BCR: variants seen among roughly 807,000 people sequenced by gnomAD.
The protein encoded by BCR is breakpoint cluster region protein.
A neutral mutation model predicts 138.6 loss-of-function variants in BCR; 58 were observed. That is an observed-to-expected ratio of 0.42 (90% CI 0.34 to 0.52). The LOEUF is 0.52. Ranked by LOEUF, BCR falls within the 20% of genes least tolerant of loss-of-function variation. The pLI, the probability that BCR is intolerant of heterozygous loss-of-function variation, is 0.06. For synonymous variants in BCR, 786 were observed against 730.1 expected, an observed-to-expected ratio of 1.08 and a Z score of -1.23; for missense variants, 1,599 against 1,727.2, an observed-to-expected ratio of 0.93 and a Z score of 1.32.
At chr22:23,200,742 T>C (rs2072543756) in intron 1 of BCR, among the ~76,000 whole-genome samples, 1 of 151,658 alleles carries the variant, frequency 6.6e-6, no homozygotes, top group South Asian at 2.1e-4. Flanking sequence ...TATTTTTTTG[T>C]AGAGATGAGG....
chr22:23,294,398 T>C (rs1034857872), intron 15 of BCR, among the ~76,000 whole-genome samples: 3 of 152,048 alleles, frequency 2.0e-5, no homozygotes, highest in Non-Finnish European at 4.4e-5. Flanking sequence ...TCTTTCAGAG[T>C]CCATAGAAAT....
rs770617141 is a variant in BCR, at chr22:23,289,660, G to A, written c.2707+39G>A. On this transcript the variant is annotated intron_variant, in intron 13 of 22. Transcript: ENST00000305877. ...TTTCCGTGTACAGGGCACCTGCAGGGAGGGCAGGCAGCTAGCCTGAAGGCT... is the reference window on the plus strand; with the variant it reads ...TTTCCGTGTACAGGGCACCTGCAGGAAGGGCAGGCAGCTAGCCTGAAGGCT... The A allele has an allele frequency of 4.0e-5, 63 of 1,556,446 alleles. No homozygotes were observed. The Admixed American group carries it at 1.0e-3, about 26-fold the overall frequency.
intron 1 of BCR, among the ~76,000 whole-genome samples, chr22:23,247,762 G>A (rs12483835): frequency 0.011 from 1,637 of 152,290 alleles, 72 homozygotes; most frequent in Admixed American, 0.086. Flanking sequence ...TCCACCTTCT[G>A]TCTCTATGAA....
intron 1 of BCR, among the ~76,000 whole-genome samples, chr22:23,204,187 C>A (rs2072586164): frequency 6.6e-6 from 1 of 152,118 alleles, no homozygotes; most frequent in African/African-American, 2.4e-5. Context: ...AACTAGGAGC[C>A]AGCAGTTCAG....
chr22:23,309,245 A>T (rs571892890), intron 16 of BCR, among the ~76,000 whole-genome samples, 179 bp from the exon 17 acceptor site: 1 of 152,270 alleles, frequency 6.6e-6, no homozygotes, highest in Non-Finnish European at 1.5e-5. Context: ...CCTGGGTTCC[A>T]GGGGTGTCTG....
intron 1 of BCR, among the ~76,000 whole-genome samples, chr22:23,191,016 A>G (rs2072406292): frequency 6.6e-6 from 1 of 151,728 alleles, no homozygotes; most frequent in Non-Finnish European, 1.5e-5. Context: ...CACTGTAGCC[A>G]CAAACTCTCG....
chr22:23,196,399 C>T (rs1289423475), intron 1 of BCR, among the ~76,000 whole-genome samples: 3 of 152,048 alleles, frequency 2.0e-5, no homozygotes, highest in Non-Finnish European at 4.4e-5. Context: ...AGGGGCTGTG[C>T]GGGAAGGGAA....
intron 1 of BCR, among the ~76,000 whole-genome samples, chr22:23,216,384 T>C (rs1302877850): frequency 6.6e-6 from 1 of 152,206 alleles, no homozygotes; most frequent in Non-Finnish European, 1.5e-5. Context: ...ATGGTAGTAT[T>C]ATGTGAAATT....
intron 2 of BCR, among the ~76,000 whole-genome samples, chr22:23,256,728 A>T (rs2073299500): frequency 6.6e-6 from 1 of 151,860 alleles, no homozygotes; most frequent in African/African-American, 2.4e-5. Flanking sequence ...GCCTCTTTGC[A>T]CTCTGCCCTG....
intron 1 of BCR, among the ~76,000 whole-genome samples, chr22:23,191,792 G>A (rs528467399): frequency 5.9e-5 from 9 of 152,250 alleles, no homozygotes; most frequent in Admixed American, 3.3e-4. Flanking sequence ...GCCCAACCCC[G>A]CTTAATCATG....
At position 23,261,447 on chromosome 22, in the gene BCR, C is replaced by T. The variant is rs748371815; in HGVS notation, c.1659C>T (p.Leu553=). 12 of 1,613,922 alleles carry T rather than the reference C, an allele frequency of 7.4e-6. No homozygotes were observed. In the South Asian group the frequency reaches 1.2e-4, roughly 16 times the overall value. The change falls in exon 4 of 23, where the codon CTC becomes CTT. Residue 553 remains leucine (L), a synonymous_variant. Transcript: ENST00000305877. ...IETIFFKVPE[L]YEIHKEFYDG... Reference sequence around the variant, plus strand: ...CCATCTTCTTCAAAGTGCCTGAGCTCTACGAGATCCACAAGGAGTTCTATG... The same window carrying T: ...CCATCTTCTTCAAAGTGCCTGAGCTTTACGAGATCCACAAGGAGTTCTATG...
intron 1 of BCR, among the ~76,000 whole-genome samples, chr22:23,186,811 T>TC (rs573583335): frequency 8.7e-4 from 133 of 152,264 alleles, no homozygotes; most frequent in Admixed American, 2.7e-3. Context: ...AGTTCAAGCT[T>TC]CAAGAGTCTC....
chr22:23,260,454 C>T (rs2073343481), intron 2 of BCR, among the ~76,000 whole-genome samples: 1 of 152,144 alleles, frequency 6.6e-6, no homozygotes, highest in Non-Finnish European at 1.5e-5. Context: ...TGCCTGGGCC[C>T]CGTCAATCGA....
intron 1 of BCR, among the ~76,000 whole-genome samples, chr22:23,229,878 G>T (rs2072936211): frequency 6.6e-6 from 1 of 152,154 alleles, no homozygotes; most frequent in Admixed American, 6.5e-5. Flanking sequence ...TTAGTGTAGA[G>T]TGGAAAGAGT....
At chr22:23,285,567 C>G (rs2073702208) in intron 10 of BCR, among the ~76,000 whole-genome samples, 1 of 152,200 alleles carries the variant, frequency 6.6e-6, no homozygotes, top group Non-Finnish European at 1.5e-5. Flanking sequence ...ACGAGAGAAA[C>G]TTGTTTAAAC....
chr22:23,222,820 C>T (rs935050820), intron 1 of BCR, among the ~76,000 whole-genome samples: 2 of 152,188 alleles, frequency 1.3e-5, no homozygotes, highest in Non-Finnish European at 2.9e-5. Flanking sequence ...TCTCCTGCTT[C>T]TGATAAAGAC....
intron 4 of BCR, chr22:23,262,788 G>A (rs1190693905): frequency 2.1e-6 from 2 of 969,654 alleles, no homozygotes; most frequent in Non-Finnish European, 2.5e-6. Flanking sequence ...CGAAGGAAGG[G>A]GAAGAGGAAG....
At chr22:23,210,534 T>G in intron 1 of BCR, among the ~76,000 whole-genome samples, 1 of 152,214 alleles carries the variant, frequency 6.6e-6, no homozygotes, top group East Asian at 1.9e-4. Context: ...AAGTCACTCT[T>G]GGTATACTGT....
At chr22:23,242,349 T>C (rs1397735857) in intron 1 of BCR, among the ~76,000 whole-genome samples, 1 of 152,156 alleles carries the variant, frequency 6.6e-6, no homozygotes, top group Non-Finnish European at 1.5e-5. Context: ...CCATCTCAGG[T>C]GATAAGGGCT....
Sources: gnomAD v4.1 joint callset for allele counts (sites outside exome capture counted in the v4.1 genomes callset) on GRCh38, gnomAD v4.1.1 for gene constraint, MANE v1.5 for transcripts, NCBI Gene and HGNC (gene_info 2026-07-23, HGNC 2026-07-21) for gene names.